Variants in PPP1R12B observed in about 807,000 individuals in gnomAD.
PPP1R12B encodes protein phosphatase 1 regulatory subunit 12B, also known as myosin phosphatase target subunit 2.
A neutral mutation model predicts 126.1 loss-of-function variants in PPP1R12B; 76 were observed. The observed-to-expected ratio is 0.60, with a 90% confidence interval of 0.50 to 0.73. The LOEUF (loss-of-function observed/expected upper bound fraction) is 0.73, where lower values mean the gene tolerates loss of function less well. Ranked by LOEUF, PPP1R12B falls within the 30% of genes least tolerant of loss-of-function variation. The pLI, the probability that PPP1R12B is intolerant of heterozygous loss-of-function variation, is 0.00. For missense variants in PPP1R12B, 1,052 were observed against 1,205.1 expected, an observed-to-expected ratio of 0.87 and a Z score of 1.88; for synonymous variants, 356 against 434.7, an observed-to-expected ratio of 0.82 and a Z score of 2.25.
intron 2 of PPP1R12B, 100 bp downstream of exon 2, chr1:202,417,017 CT>C: frequency 7.5e-7 from 1 of 1,338,758 alleles, no homozygotes; most frequent in Non-Finnish European, 1.0e-6. Flanking sequence ...TAGTTATAAT[CT>C]CTCTTTATTA....
Position 202,440,722 on chromosome 1 carries a change from G to GC in PPP1R12B, c.1476dup (p.Tyr493LeufsTer3), listed in dbSNP as rs771256851. The stretch of plus-strand genomic sequence containing the variant: ...ATTTTACAGGAGAGAGAAAACAAAA[G>GC]CTATATTAGTTCACTAGCACCCCGG... On this transcript the variant is annotated frameshift_variant, in exon 11 of 24. Transcript: ENST00000608999. LOFTEE classifies it high-confidence loss of function. 1 of 1,613,348 alleles carries GC rather than the reference G, an allele frequency of 6.2e-7. No homozygotes were observed. Among genetic ancestry groups the GC allele is most frequent in the Non-Finnish European group, 8.5e-7 (1 of 1,179,354 alleles).
intron 23 of PPP1R12B, among the ~76,000 whole-genome samples, chr1:202,578,170 T>A (rs1175471697): frequency 6.6e-6 from 1 of 152,240 alleles, no homozygotes; most frequent in Non-Finnish European, 1.5e-5. Flanking sequence ...TGTCCAAATT[T>A]TTTTTTCAAG....
At position 202,575,383 on chromosome 1, in the gene PPP1R12B, A is replaced by G. The variant is rs1689004424; in HGVS notation, c.2863-5091A>G. ...TGGGCTACCAATATATTCATTTGGT[A>G]AGGTCACCACATTAGCTTCTCTTCC... is the stretch of plus-strand genomic sequence containing the variant. On this transcript the variant is annotated intron_variant, in intron 23 of 23. Transcript: ENST00000608999. 8 of 476,042 alleles carry G rather than the reference A, an allele frequency of 1.7e-5. No individual in the cohort carries two copies. In the South Asian group the frequency reaches 3.2e-4, roughly 19 times the overall value. 29.5% of individuals were successfully genotyped at this position (476,042 alleles called of 1,614,324 possible).
intron 10 of PPP1R12B, chr1:202,438,690 G>A: frequency 1.6e-6 from 1 of 609,616 alleles, no homozygotes; most frequent in Non-Finnish European, 3.0e-6. Flanking sequence ...CCGGGTTCAA[G>A]CCGCCCAGTC....
At chr1:202,462,271 A>G (rs761914718) in intron 13 of PPP1R12B, among the ~76,000 whole-genome samples, 5 of 152,176 alleles carry the variant, frequency 3.3e-5, no homozygotes, top group Non-Finnish European at 7.4e-5. Flanking sequence ...AGTTAAAGCA[A>G]TGAGATTTAG....
Position 202,430,734 on chromosome 1 carries a change from C to T in PPP1R12B, c.925C>T (p.Arg309Ter), listed in dbSNP as rs1451232430. 5 of 1,611,188 alleles carry T rather than the reference C, an allele frequency of 3.1e-6. No homozygotes were observed. The highest frequency in any genetic ancestry group is 4.2e-6 in the Non-Finnish European group (5 of 1,178,414). ...ELLQKKQNVLRSEKETRNKLI... is the reference protein window; with the variant it reads ...ELLQKKQNVL ...TCTCTGTTTTCTCCATTTCCAGCTT[C>T]GAAGTGAAAAGGAGACACGGAATAA... Residue 309 changes from arginine (R) to a stop codon, truncating the protein, a stop_gained, in exon 7 of 24, where the codon CGA (arginine) becomes TGA (stop). Coordinates refer to ENST00000608999, the MANE Select transcript of PPP1R12B (RefSeq NM_002481.4). LOFTEE classifies it high-confidence loss of function.
intron 1 of PPP1R12B, among the ~76,000 whole-genome samples, chr1:202,395,909 T>A (rs371079138): frequency 1.3e-5 from 2 of 152,246 alleles, no homozygotes; most frequent in East Asian, 1.9e-4. Context: ...TTTTTATCAC[T>A]TTACATTCAT....
At position 202,552,093 on chromosome 1, in the gene PPP1R12B, G is replaced by A. The variant is rs551606302; in HGVS notation, c.2491-6784G>A. The stretch of plus-strand genomic sequence containing the variant: ...AAATGGTTTTAAGCCACTAAATTTT[G>A]TTTTGGCAGCAATAGAAAACTAATG... On this transcript the variant is annotated intron_variant, in intron 18 of 23. Transcript: ENST00000608999. Among the ~76,000 whole-genome samples, 5 of 152,288 alleles carry A rather than the reference G, an allele frequency of 3.3e-5. No homozygotes were observed. The East Asian group carries it at 5.8e-4, about 18-fold the overall frequency.
At chr1:202,489,264 T>G (rs1678558520) in intron 14 of PPP1R12B, among the ~76,000 whole-genome samples, 1 of 152,234 alleles carries the variant, frequency 6.6e-6, no homozygotes, top group Non-Finnish European at 1.5e-5. Context: ...AGAATCCCTA[T>G]ACATCCCTAT....
chr1:202,563,283 C>T (rs756143437), intron 20 of PPP1R12B, among the ~76,000 whole-genome samples: 56 of 152,216 alleles, frequency 3.7e-4, no homozygotes, highest in Non-Finnish European at 7.1e-4. Context: ...CACACGGCTA[C>T]ATTTTTTATT....
rs2148817220 is a variant in PPP1R12B at position 202,480,333 on chromosome 1, G to C, written c.1851-8200G>C. ...AAATATCCAGAATGAAGCACAGAGA[G>C]ATAAAAGGCTGGAAAATGCAGAAAA... is the stretch of plus-strand genomic sequence containing the variant. On this transcript the variant is annotated intron_variant, in intron 13 of 23. Coordinates refer to ENST00000608999, the MANE Select transcript of PPP1R12B (RefSeq NM_002481.4). Among the ~76,000 whole-genome samples, 3 of 152,288 alleles carry C rather than the reference G, an allele frequency of 2.0e-5. No homozygotes were observed. The South Asian group carries it at 6.2e-4, about 32-fold the overall frequency.
chr1:202,355,281 A>G (rs1459503873), intron 1 of PPP1R12B, among the ~76,000 whole-genome samples: 1 of 152,198 alleles, frequency 6.6e-6, no homozygotes, highest in African/African-American at 2.4e-5. Context: ...TCTAAATGGT[A>G]GATTGTAAGT....
intron 1 of PPP1R12B, among the ~76,000 whole-genome samples, chr1:202,408,447 G>T (rs1377884457): frequency 1.3e-5 from 2 of 152,136 alleles, no homozygotes; most frequent in African/African-American, 4.8e-5. Flanking sequence ...TCAAAGAAGG[G>T]ATCAGTTACA....
rs1322204982 is a variant in PPP1R12B, at chr1:202,463,031, A to G, written c.1850+13860A>G. 4 of 985,310 alleles carry G rather than the reference A, an allele frequency of 4.1e-6. 1 individual carries two copies. Among genetic ancestry groups the G allele is most frequent in the South Asian group, 4.7e-5 (1 of 21,286 alleles). The allele number at this position is 985,310 out of a possible 1,614,324, so 61.0% of individuals were successfully genotyped here. ...TAGTTTGTTAGTACTCTGTGTTTGG[A>G]TGCTAACTCCAGTGTGCTGAGTTGA... On this transcript the variant is annotated intron_variant, in intron 13 of 23. Transcript: ENST00000608999.
intron 1 of PPP1R12B, among the ~76,000 whole-genome samples, chr1:202,378,949 A>C: frequency 6.6e-6 from 1 of 151,168 alleles, no homozygotes; most frequent in South Asian, 2.1e-4. Flanking sequence ...TCCATTGCCC[A>C]CTCTTTGCCC....
chr1:202,495,766 C>T, intron 17 of PPP1R12B, 84 bp downstream of exon 17: 1 of 1,184,010 alleles, frequency 8.4e-7, no homozygotes, highest in East Asian at 2.4e-5. Context: ...AAGAGTCCCG[C>T]ATGGTGCCAT....
chr1:202,434,508 C>A, intron 8 of PPP1R12B, 148 bp from the exon 9 acceptor site: 1 of 1,028,960 alleles, frequency 9.7e-7, no homozygotes, highest in Non-Finnish European at 1.3e-6. Flanking sequence ...CAAGAGTTTA[C>A]AAGTTGTTAG....
rs190356825 is a variant in PPP1R12B at position 202,526,522 on chromosome 1, A to T, written c.2490+29700A>T. ...GTGGAGTAGGCAGAAAATTGGATTT[A>T]AACAAGGTTATAGTTTTGCCAAGCA... is the stretch of plus-strand genomic sequence containing the variant. On this transcript the variant is annotated intron_variant, in intron 18 of 23. Coordinates refer to ENST00000608999, the MANE Select transcript of PPP1R12B (RefSeq NM_002481.4). Among the ~76,000 whole-genome samples the T allele has an allele frequency of 7.3e-3, 1,110 of 152,244 alleles. 8 individuals are homozygous for T. Among genetic ancestry groups the T allele is most frequent in the Non-Finnish European group, 0.012 (836 of 68,022 alleles).
chr1:202,361,139 C>T (rs545774733), intron 1 of PPP1R12B, among the ~76,000 whole-genome samples: 12 of 152,206 alleles, frequency 7.9e-5, no homozygotes, highest in Admixed American at 3.9e-4. Context: ...GTGATCCGCC[C>T]GCCTCGGCCT....
Sources: gnomAD v4.1 joint callset for allele counts (sites outside exome capture counted in the v4.1 genomes callset) on GRCh38, gnomAD v4.1.1 for gene constraint, MANE v1.5 for transcripts, NCBI Gene and HGNC (gene_info 2026-07-23, HGNC 2026-07-21) for gene names.